Variants in APBA1 observed in about 807,000 individuals in gnomAD.
APBA1 encodes amyloid beta precursor protein binding family A member 1, also known as amyloid-beta A4 precursor protein-binding family A member 1.
In APBA1, 55 loss-of-function variants were observed where a neutral mutation model predicts 86.6. The observed-to-expected ratio is 0.64, with a 90% CI of 0.51 to 0.80. The LOEUF is 0.80. Among genes scored for constraint, APBA1 ranks in the 30% least tolerant of loss-of-function variants. APBA1 has a pLI of 0.00. For missense variants in APBA1, 1,090 were observed against 1,183.0 expected (o/e 0.92, Z 1.15); for synonymous variants, 511 against 493.9 (o/e 1.03, Z -0.46).
intron 2 of APBA1, among the ~76,000 whole-genome samples, chr9:69,498,860 A>G (rs1206145341): frequency 1.3e-5 from 2 of 152,150 alleles, no homozygotes; most frequent in African/African-American, 2.4e-5. Flanking sequence ...CAAAGGTATC[A>G]GCAGAGAAAC....
chr9:69,474,567 A>T (rs1395975725), intron 3 of APBA1, among the ~76,000 whole-genome samples: 1 of 152,202 alleles, frequency 6.6e-6, no homozygotes, highest in Non-Finnish European at 1.5e-5. Context: ...TTCTCACCCA[A>T]CCATGTGATA....
Position 69,672,294 on chromosome 9 carries a change from C to CGCCGCCGCCGCCGGGACCGCA in APBA1, c.-232_-212dup, listed in dbSNP as rs1823968205. Reference sequence around the variant, plus strand: ...CTTCTCCCGCCGCAGCTGCCGCCGCCGCCGCCGCCGCCGGGACCGCAGCCG... The same window carrying CGCCGCCGCCGCCGGGACCGCA: ...CTTCTCCCGCCGCAGCTGCCGCCGCCGCCGCCGCCGCCGGGACCGCAGCCGCCGCCGCCGGGACCGCAGCCG... On this transcript the variant is annotated 5_prime_UTR_variant, in exon 1 of 13. Coordinates refer to ENST00000265381, the MANE Select transcript of APBA1 (RefSeq NM_001163.4). 5.7e-6 allele frequency: 1 copy of CGCCGCCGCCGCCGGGACCGCA among 175,802 alleles called. No homozygotes were observed. Among genetic ancestry groups the CGCCGCCGCCGCCGGGACCGCA allele is most frequent in the African/African-American group, 2.4e-5 (1 of 41,676 alleles). The allele number at this position is 175,802 out of a possible 1,614,324, so 10.9% of individuals were successfully genotyped here.
intron 1 of APBA1, among the ~76,000 whole-genome samples, chr9:69,543,995 G>A (rs1222055430): frequency 1.3e-5 from 2 of 152,132 alleles, no homozygotes; most frequent in Non-Finnish European, 2.9e-5. Context: ...GGATAAAACA[G>A]GCATAGATTC....
chr9:69,588,291 T>C (rs1307790865), intron 1 of APBA1, among the ~76,000 whole-genome samples: 2 of 152,002 alleles, frequency 1.3e-5, no homozygotes, highest in African/African-American at 4.8e-5. Context: ...AAAAAGCTTA[T>C]TGACAGTGGG....
chr9:69,530,379 T>C (rs1438190708), intron 1 of APBA1, among the ~76,000 whole-genome samples: 3 of 150,586 alleles, frequency 2.0e-5, no homozygotes, highest in Non-Finnish European at 3.0e-5. Flanking sequence ...TGGAATACTA[T>C]GCAGCCATAA....
Position 69,449,746 on chromosome 9 carries a change from C to G in APBA1, c.2019G>C (p.Glu673Asp). 1 of 1,614,062 alleles carries G rather than the reference C, an allele frequency of 6.2e-7. No homozygotes were observed. Among genetic ancestry groups the G allele is most frequent in the East Asian group, 2.2e-5 (1 of 44,876 alleles). The change falls in exon 10 of 13, where the codon GAG (glutamate) becomes GAC (aspartate). Residue 673 changes from glutamate to aspartate, a missense_variant. Transcript: ENST00000265381. ...KGEILGVVIV[E>D]SGWGSILPTV... ...TGGGGAGGATGGATCCCCAGCCAGA[C>G]TCCACAATCACCACACCTAGGATTT...
At chr9:69,564,563 A>G (rs1836995908) in intron 1 of APBA1, among the ~76,000 whole-genome samples, 1 of 152,214 alleles carries the variant, frequency 6.6e-6, no homozygotes, top group African/African-American at 2.4e-5. Context: ...AAATCTAGTA[A>G]ATAACTACCC....
intron 2 of APBA1, among the ~76,000 whole-genome samples, chr9:69,483,019 A>G (rs1046068233): frequency 6.7e-6 from 1 of 150,326 alleles, no homozygotes; most frequent in South Asian, 2.1e-4. Flanking sequence ...ACCTAATGCT[A>G]GATGCCGAGT....
rs541822154 is a variant in APBA1 at position 69,567,157 on chromosome 9, C to T, written c.-69-49878G>A. ...CATTCAACAAGTATTTGTTGAATTC[C>T]GTAGAGCACAGAGAAGCGATCAATC... On this transcript the variant is annotated intron_variant, in intron 1 of 12. Coordinates refer to ENST00000265381, the MANE Select transcript of APBA1 (RefSeq NM_001163.4). Among the ~76,000 whole-genome samples, 27 of 152,046 alleles carry T rather than the reference C, an allele frequency of 1.8e-4. 1 individual carries two copies. Among genetic ancestry groups the T allele is most frequent in the Admixed American group, 1.2e-3 (19 of 15,280 alleles).
chr9:69,627,715 T>C (rs1323417389), intron 1 of APBA1, among the ~76,000 whole-genome samples: 1 of 152,110 alleles, frequency 6.6e-6, no homozygotes, highest in Admixed American at 6.5e-5. Context: ...CCTCAGGGAC[T>C]CTCTCCCACA....
chr9:69,558,178 G>A (rs1342840994), intron 1 of APBA1, among the ~76,000 whole-genome samples: 1 of 151,916 alleles, frequency 6.6e-6, no homozygotes. Flanking sequence ...GGTTTTTATT[G>A]GCTCTCAATT....
At chr9:69,522,307 C>CA in intron 1 of APBA1, among the ~76,000 whole-genome samples, 1 of 147,974 alleles carries the variant, frequency 6.8e-6, no homozygotes, top group African/African-American at 2.4e-5. Context: ...TCCCCCACCC[C>CA]TCCCACCCAA....
At chr9:69,541,142 C>T (rs374719006) in intron 1 of APBA1, among the ~76,000 whole-genome samples, 7 of 151,952 alleles carry the variant, frequency 4.6e-5, no homozygotes, top group Admixed American at 1.3e-4. Context: ...AATAATGCTA[C>T]GATAAATGTT....
intron 2 of APBA1, among the ~76,000 whole-genome samples, chr9:69,493,245 G>C (rs1260233061): frequency 1.3e-4 from 20 of 152,026 alleles, no homozygotes; most frequent in Admixed American, 1.2e-3. Flanking sequence ...CACTCCAAGG[G>C]TTGGCCTTAA....
intron 1 of APBA1, among the ~76,000 whole-genome samples, chr9:69,661,345 C>G (rs1823749224): frequency 6.6e-6 from 1 of 152,190 alleles, no homozygotes; most frequent in South Asian, 2.1e-4. Context: ...GGAAGTGAGA[C>G]ATCTACCTTA....
intron 1 of APBA1, among the ~76,000 whole-genome samples, chr9:69,589,043 C>A (rs1822076964): frequency 6.6e-6 from 1 of 152,180 alleles, no homozygotes; most frequent in Non-Finnish European, 1.5e-5. Flanking sequence ...CAACCTCTGC[C>A]TCCCAGAATC....
At chr9:69,582,586 G>C (rs543897383) in intron 1 of APBA1, among the ~76,000 whole-genome samples, 2 of 152,180 alleles carry the variant, frequency 1.3e-5, no homozygotes, top group South Asian at 4.2e-4. Context: ...TGTCAAAATG[G>C]GGGAAATACC....
chr9:69,589,083 T>C (rs1822077683), intron 1 of APBA1, among the ~76,000 whole-genome samples: 1 of 152,108 alleles, frequency 6.6e-6, no homozygotes, highest in Non-Finnish European at 1.5e-5. Flanking sequence ...GCCTCCTGAG[T>C]AGCTGGAACT....
chr9:69,505,648 T>C (rs534952201), intron 2 of APBA1, among the ~76,000 whole-genome samples: 1 of 152,210 alleles, frequency 6.6e-6, no homozygotes. Context: ...AACATCAATC[T>C]CCCTGAGTCT....
Sources: allele counts gnomAD v4.1 joint callset (sites outside exome capture counted in the v4.1 genomes callset), GRCh38; gene constraint gnomAD v4.1.1; transcripts MANE v1.5; gene names NCBI Gene and HGNC (gene_info 2026-07-23, HGNC 2026-07-21).